The following MBTPS1 variants were observed in gnomAD, a reference collection of about 807,000 sequenced individuals.
MBTPS1 encodes membrane bound transcription factor peptidase, site 1, also known as membrane-bound transcription factor site-1 protease.
Under a neutral mutation model 127.8 loss-of-function variants are expected in MBTPS1, and 94 were observed. That is an observed-to-expected ratio of 0.74 (90% CI 0.62 to 0.87). The LOEUF (loss-of-function observed/expected upper bound fraction) is 0.87, where lower values mean the gene tolerates loss of function less well. MBTPS1 is among the 40% of genes least tolerant of loss of function. The probability of loss-of-function intolerance (pLI) is 0.00; values close to 1 mark genes in which losing one functional copy is unlikely to be tolerated. For missense variants in MBTPS1, 1,636 were observed against 1,353.2 expected (o/e 1.21, Z -3.28); for synonymous variants, 632 against 509.4 (o/e 1.24, Z -3.24).
chr16:84,110,924 A>G (rs1213410259), intron 1 of MBTPS1: 1 of 152,298 alleles, frequency 6.6e-6, no homozygotes, highest in Non-Finnish European at 1.5e-5. Context: ...GCTGGAGACC[A>G]TCTGAATGTG....
chr16:84,086,321 G>A (rs1166343139), intron 9 of MBTPS1: 1 of 151,970 alleles, frequency 6.6e-6, no homozygotes, highest in East Asian at 1.9e-4. Context: ...TTCGGTGAGA[G>A]CATTTACACA....
chr16:84,061,039 A>G, intron 19 of MBTPS1: 1 of 348,322 alleles, frequency 2.9e-6, no homozygotes, highest in Non-Finnish European at 5.4e-6. Context: ...GCTGGTCTCA[A>G]ACTCCTGGGC....
intron 1 of MBTPS1, among the ~76,000 whole-genome samples, chr16:84,114,130 A>C (rs1032252730): frequency 5.9e-5 from 4 of 68,130 alleles, no homozygotes; most frequent in Admixed American, 4.1e-4. Context: ...ACGCCCGGCT[A>C]ATTTTTTTGT....
At chr16:84,096,461 G>C (rs1417328152) in intron 3 of MBTPS1, among the ~76,000 whole-genome samples, 1 of 152,178 alleles carries the variant, frequency 6.6e-6, no homozygotes, top group Admixed American at 6.6e-5. Flanking sequence ...ACTCTAAAAA[G>C]GACGAATTTT....
chr16:84,087,246 G>A (rs2086041561), intron 9 of MBTPS1, 112 bp downstream of exon 9: 4 of 770,468 alleles, frequency 5.2e-6, no homozygotes, highest in Non-Finnish European at 4.4e-6. Context: ...CCATGTGAAT[G>A]TGAGGGTGTC....
chr16:84,088,403 C>G (rs895709808), intron 8 of MBTPS1, among the ~76,000 whole-genome samples: 1 of 151,722 alleles, frequency 6.6e-6, no homozygotes, highest in Non-Finnish European at 1.5e-5. Flanking sequence ...TTCAGAGGAA[C>G]GAATAATGAT....
chr16:84,055,818 T>A (rs950111826), intron 22 of MBTPS1, among the ~76,000 whole-genome samples, 187 bp downstream of exon 22: 6 of 152,212 alleles, frequency 3.9e-5, no homozygotes, highest in African/African-American at 1.4e-4. Flanking sequence ...AACAATCTCT[T>A]AATCTGTCAG....
chr16:84,065,866 T>C, intron 17 of MBTPS1, 99 bp from the exon 18 acceptor site: 1 of 650,688 alleles, frequency 1.5e-6, no homozygotes, highest in Non-Finnish European at 2.6e-6. Flanking sequence ...TCAGATGCTA[T>C]GTATTTTTTT....
At chr16:84,074,771 A>C in intron 11 of MBTPS1, 30 bp from the exon 12 acceptor site, 1 of 1,590,950 alleles carries the variant, frequency 6.3e-7, no homozygotes. Context: ...GTTAGAGTAG[A>C]TCATATGAGA....
intron 12 of MBTPS1, among the ~76,000 whole-genome samples, chr16:84,071,116 G>C (rs533724145): frequency 2.0e-5 from 3 of 152,274 alleles, no homozygotes; most frequent in South Asian, 4.1e-4. Flanking sequence ...AAAACTCTCA[G>C]ATTTAAGGTT....
chr16:84,070,021 T>C lies in MBTPS1; in HGVS notation c.1800A>G (p.Glu600=). 8 of 1,573,644 alleles carry C rather than the reference T, an allele frequency of 5.1e-6. No homozygotes were observed. Among genetic ancestry groups the C allele is most frequent in the Non-Finnish European group, 6.9e-6 (8 of 1,166,990 alleles). ...PAETESKNGA[E]QTSTVKLPIK... ...TGGGGAGCTTTACTGTTGAAGTCTG[T>C]TCTGCACCATTTTTTGACTAAAAAA... The change falls in exon 14 of 23, where the codon GAA becomes GAG. Residue 600 remains glutamate (E), a synonymous_variant. Transcript: ENST00000343411.
chr16:84,073,310 T>C (rs2151150219), intron 12 of MBTPS1, among the ~76,000 whole-genome samples: 1 of 152,210 alleles, frequency 6.6e-6, no homozygotes, highest in East Asian at 1.9e-4. Flanking sequence ...ATTTTTGTAT[T>C]TTTAGTAGAG....
intron 12 of MBTPS1, among the ~76,000 whole-genome samples, chr16:84,071,163 T>C (rs955740356): frequency 1.3e-5 from 2 of 152,148 alleles, no homozygotes; most frequent in Non-Finnish European, 2.9e-5. Context: ...AAAAATCCCA[T>C]TAATTGAAAG....
At chr16:84,068,255 A>G (rs2085718318) in intron 15 of MBTPS1, 84 bp downstream of exon 15, 2 of 961,602 alleles carry the variant, frequency 2.1e-6, no homozygotes, top group Admixed American at 3.6e-5. Flanking sequence ...CTATCACTGA[A>G]AACTGGGATT....
chr16:84,065,567 T>G (rs576498911), intron 18 of MBTPS1, 123 bp downstream of exon 18: 12 of 712,866 alleles, frequency 1.7e-5, no homozygotes, highest in African/African-American at 3.6e-5. Flanking sequence ...TGTTATGGTA[T>G]GTAAATTATA....
rs201123481 is a variant in MBTPS1, at chr16:84,084,938, C to T, written c.1286+45G>A. The stretch of plus-strand genomic sequence containing the variant: ...CCTGCTCTGCTGGCACCGAGTGCTC[C>T]TGTCCTGACGTGGGAGCTACTGGTC... On this transcript the variant is annotated intron_variant, in intron 10 of 22. Transcript: ENST00000343411. The T allele has an allele frequency of 7.2e-4, 1,141 of 1,594,994 alleles. 9 individuals carry two copies. In the African/African-American group the frequency reaches 0.013, roughly 19 times the overall value.
At position 84,056,081 on chromosome 16, in the gene MBTPS1, T is replaced by A; in HGVS notation, c.2886A>T (p.Leu962Phe). 6.2e-7 allele frequency: 1 copy of A among 1,614,050 alleles called. No individual in the cohort carries two copies. Among genetic ancestry groups the A allele is most frequent in the Non-Finnish European group, 8.5e-7 (1 of 1,179,882 alleles). The change falls in exon 22 of 23, where the codon TTA (leucine) becomes TTT (phenylalanine). Residue 962 changes from leucine (L) to phenylalanine (F), a missense_variant. Physicochemically the swap from Leu to Phe is conservative, Grantham distance 22 (BLOSUM62 0). Transcript: ENST00000343411. ...LLSIDLDKVV[L>F]PNFRSNRPQV... ...GAGGGCGATTCGATCGAAAGTTGGG[T>A]AACACCACCTTGTCCAGGTCAATGG...
intron 1 of MBTPS1, among the ~76,000 whole-genome samples, chr16:84,109,297 C>T (rs1465124979): frequency 6.6e-6 from 1 of 152,158 alleles, no homozygotes; most frequent in Non-Finnish European, 1.5e-5. Context: ...ACAATCTGAG[C>T]ATCACGATAA....
chr16:84,085,454 G>T (rs954179629), intron 9 of MBTPS1, among the ~76,000 whole-genome samples: 5 of 151,812 alleles, frequency 3.3e-5, no homozygotes, highest in Non-Finnish European at 7.4e-5. Context: ...TGTAGTCCCG[G>T]CTACTCAGGA....
Sources: gnomAD v4.1 joint callset for allele counts (sites outside exome capture counted in the v4.1 genomes callset) on GRCh38, gnomAD v4.1.1 for gene constraint, MANE v1.5 for transcripts, NCBI Gene and HGNC (gene_info 2026-07-23, HGNC 2026-07-21) for gene names.